Variants in HLCS observed in about 807,000 individuals in gnomAD.
HLCS encodes biotin--protein ligase.
Under a neutral mutation model 75.0 loss-of-function variants are expected in HLCS, and 53 were observed. The ratio of observed to expected loss-of-function variants is 0.71; its 90% confidence interval spans 0.57 to 0.89. The LOEUF is 0.89. Among genes scored for constraint, HLCS ranks in the 40% least tolerant of loss-of-function variants. HLCS has a pLI of 0.00. For missense variants in HLCS, 966 were observed against 1,074.0 expected, an observed-to-expected ratio of 0.90 and a Z score of 1.41; for synonymous variants, 431 against 428.6, an observed-to-expected ratio of 1.01 and a Z score of -0.07.
intron 6 of HLCS, among the ~76,000 whole-genome samples, chr21:36,821,723 T>G (rs2061847642): frequency 6.6e-6 from 1 of 152,222 alleles, no homozygotes; most frequent in African/African-American, 2.4e-5. Context: ...GCATTTTGTC[T>G]GAATAGACTG....
chr21:36,973,320 T>C (rs1168079301), intron 1 of HLCS, among the ~76,000 whole-genome samples: 1 of 145,278 alleles, frequency 6.9e-6, no homozygotes, highest in Admixed American at 7.2e-5. Context: ...ATCTAGAATA[T>C]ACAAAGAACT....
chr21:36,799,298 C>A (rs928647361), intron 6 of HLCS, among the ~76,000 whole-genome samples: 5 of 152,206 alleles, frequency 3.3e-5, no homozygotes, highest in Non-Finnish European at 5.9e-5. Context: ...ATGACCTTGG[C>A]ACTTTTATCA....
At chr21:36,856,319 T>C (rs987701731) in intron 6 of HLCS, among the ~76,000 whole-genome samples, 2 of 152,150 alleles carry the variant, frequency 1.3e-5, no homozygotes, top group Non-Finnish European at 2.9e-5. Flanking sequence ...GGAAGAGAAC[T>C]GGAGGGGAAA....
At position 36,936,701 on chromosome 21, in the gene HLCS, T is replaced by C. The variant is rs979308593; in HGVS notation, c.1185A>G (p.Ser395=). Residue 395 remains serine (S), a synonymous_variant, in exon 4 of 11, where the codon TCA becomes TCG. Coordinates refer to ENST00000674895, the MANE Select transcript of HLCS (RefSeq NM_001352514.2). ...CCTGAAAGCCACCAAAGGTGAAGGA[T>C]GAAGACAGGCCCAACACCTTCCCTC... ...SQGGKVLGLS[S]SFTFGGFQVT... is the part of the protein sequence containing the mutation. 3.1e-6 allele frequency: 5 copies of C among 1,614,232 alleles called. No individual in the cohort carries two copies. The highest frequency in any genetic ancestry group is 1.7e-5 in the Admixed American group (1 of 60,026).
At chr21:36,829,900 C>T (rs987007280) in intron 6 of HLCS, among the ~76,000 whole-genome samples, 3 of 152,136 alleles carry the variant, frequency 2.0e-5, no homozygotes, top group South Asian at 2.1e-4. Flanking sequence ...TAGTACAACC[C>T]GGCTGCACAT....
chr21:36,759,860 A>G lies in HLCS; in HGVS notation c.2122-19T>C, dbSNP rs2089761462. The G allele has an allele frequency of 7.4e-6, 11 of 1,492,122 alleles. No homozygotes were observed. The highest frequency in any genetic ancestry group is 5.0e-5 in the Admixed American group (3 of 59,866). The allele number at this position is 1,492,122 out of a possible 1,614,324, so 92.4% of individuals were successfully genotyped here. ...TGATATCCTAAAGGGAAATCTGCAC[A>G]TTAATTAAGCCGTCACAGGACACAA... On this transcript the variant is annotated intron_variant, in intron 8 of 10. Transcript: ENST00000674895.
rs1568947947 is a variant in HLCS, at chr21:36,750,208, G to A, written c.*4038C>T. Among the ~76,000 whole-genome samples the A allele has an allele frequency of 6.6e-6, 1 of 152,118 alleles. No homozygotes were observed. The highest frequency in any genetic ancestry group is 1.5e-5 in the Non-Finnish European group (1 of 68,032). The stretch of plus-strand genomic sequence containing the variant: ...GAAGAGGAAGCATTTTAATACATAT[G>A]CCTCTCTTTTACAAAAAAGAAAAAA... On this transcript the variant is annotated 3_prime_UTR_variant, in exon 11 of 11. Transcript: ENST00000674895.
At chr21:36,953,316 A>C (rs1298048679) in intron 2 of HLCS, among the ~76,000 whole-genome samples, 3 of 151,972 alleles carry the variant, frequency 2.0e-5, no homozygotes, top group African/African-American at 7.3e-5. Context: ...CTCTTCCCCC[A>C]CTCTGAAGGC....
chr21:36,797,416 T>A (rs2061060172), intron 6 of HLCS, among the ~76,000 whole-genome samples: 1 of 151,882 alleles, frequency 6.6e-6, no homozygotes, highest in Non-Finnish European at 1.5e-5. Flanking sequence ...AAAATTAATA[T>A]AATAAAAATA....
At chr21:36,785,630 G>A (rs917547131) in intron 6 of HLCS, among the ~76,000 whole-genome samples, 1 of 152,190 alleles carries the variant, frequency 6.6e-6, no homozygotes, top group African/African-American at 2.4e-5. Flanking sequence ...TCCACAGATA[G>A]AGTTTTACTT....
chr21:36,817,379 C>T (rs16994508), intron 6 of HLCS, among the ~76,000 whole-genome samples: 5,517 of 152,212 alleles, frequency 0.036, 138 homozygotes, highest in African/African-American at 0.071. Context: ...TCTGGGTTTT[C>T]GTCTTTTAAA....
chr21:36,883,489 C>T (rs1284632271), intron 6 of HLCS, among the ~76,000 whole-genome samples: 1 of 152,204 alleles, frequency 6.6e-6, no homozygotes, highest in African/African-American at 2.4e-5. Flanking sequence ...AGACCTCAAT[C>T]ATGAACACTA....
chr21:36,896,885 G>A lies in HLCS; in HGVS notation c.1867C>T (p.Pro623Ser). Residue 623 changes from proline to serine, a missense_variant, in exon 6 of 11, where the codon CCC becomes TCC. Transcript: ENST00000674895. ...GKVILFAEVT[P>S]TTMRLLDGLM... ...CCATCCAGGAGACGCATCGTTGTGG[G>A]GGTCACTTCGGCAAACAAAATTACT... 6.2e-7 allele frequency: 1 copy of A among 1,614,134 alleles called. No individual in the cohort carries two copies.
chr21:36,799,592 A>G (rs372707998), intron 6 of HLCS, among the ~76,000 whole-genome samples: 14 of 152,338 alleles, frequency 9.2e-5, no homozygotes, highest in African/African-American at 3.4e-4. Flanking sequence ...CAGGGGACTA[A>G]GGGACACTCT....
At chr21:36,761,662 C>T (rs922536999) in intron 8 of HLCS, among the ~76,000 whole-genome samples, 2 of 152,140 alleles carry the variant, frequency 1.3e-5, no homozygotes, top group South Asian at 2.1e-4. Context: ...GACATCCCCA[C>T]GACAAACATG....
intron 6 of HLCS, among the ~76,000 whole-genome samples, chr21:36,819,086 G>C (rs948784835): frequency 4.6e-5 from 7 of 152,158 alleles, no homozygotes; most frequent in African/African-American, 1.4e-4. Context: ...AGCTTAGGAG[G>C]CTCCGAAAGA....
intron 2 of HLCS, among the ~76,000 whole-genome samples, chr21:36,957,652 T>A (rs973956638): frequency 1.3e-5 from 2 of 152,192 alleles, no homozygotes; most frequent in Non-Finnish European, 1.5e-5. Context: ...TAGCCCTGAA[T>A]TGGCTGGGCG....
chr21:36,965,746 T>TTC (rs2068534873), intron 1 of HLCS, among the ~76,000 whole-genome samples: 1 of 150,996 alleles, frequency 6.6e-6, no homozygotes, highest in African/African-American at 2.4e-5. Flanking sequence ...TTTTTTTTTT[T>TTC]CTTAAGACAG....
chr21:36,852,298 A>G (rs757358760), intron 6 of HLCS, among the ~76,000 whole-genome samples: 41 of 152,212 alleles, frequency 2.7e-4, no homozygotes, highest in Non-Finnish European at 5.0e-4. Flanking sequence ...AGTAAATCTA[A>G]AGACAAATTC....
Sources: gnomAD v4.1 joint callset for allele counts (sites outside exome capture counted in the v4.1 genomes callset) on GRCh38, gnomAD v4.1.1 for gene constraint, MANE v1.5 for transcripts, NCBI Gene and HGNC (gene_info 2026-07-23, HGNC 2026-07-21) for gene names.